GALNTL6: variants seen among roughly 807,000 people sequenced by gnomAD.
GALNTL6 encodes polypeptide N-acetylgalactosaminyltransferase like 6.
GALNTL6 carries 46 observed loss-of-function variants against 73.7 expected under a neutral mutation model. That is an observed-to-expected ratio of 0.62 (90% CI 0.49 to 0.80). GALNTL6 has a LOEUF of 0.80. GALNTL6 is among the 30% of genes least tolerant of loss of function. The pLI is 0.00. For missense variants in GALNTL6, 604 were observed against 755.0 expected, an observed-to-expected ratio of 0.80 and a Z score of 2.34; for synonymous variants, 259 against 263.7, an observed-to-expected ratio of 0.98 and a Z score of 0.17.
At chr4:172,645,812 A>G (rs934041104) in intron 5 of GALNTL6, among the ~76,000 whole-genome samples, 3 of 152,002 alleles carry the variant, frequency 2.0e-5, no homozygotes, top group Non-Finnish European at 4.4e-5. Flanking sequence ...GTATGATCTA[A>G]TGCTAATAAT....
chr4:172,133,949 A>T (rs1560936472), intron 2 of GALNTL6, among the ~76,000 whole-genome samples: 1 of 152,232 alleles, frequency 6.6e-6, no homozygotes, highest in Non-Finnish European at 1.5e-5. Context: ...ATGTTAAAGA[A>T]GGTAGTCACA....
intron 5 of GALNTL6, among the ~76,000 whole-genome samples, chr4:172,538,318 A>G (rs1426335702): frequency 6.6e-6 from 1 of 151,946 alleles, no homozygotes; most frequent in African/African-American, 2.4e-5. Flanking sequence ...AAAATTAGCC[A>G]GGCGTGGTGG....
intron 2 of GALNTL6, among the ~76,000 whole-genome samples, chr4:172,107,669 C>A (rs1451080225): frequency 8.8e-6 from 1 of 113,074 alleles, no homozygotes; most frequent in African/African-American, 3.6e-5. Context: ...CACACCAGGG[C>A]CTGTTGTGGG....
At chr4:171,952,573 T>C (rs1738918016) in intron 2 of GALNTL6, among the ~76,000 whole-genome samples, 1 of 152,080 alleles carries the variant, frequency 6.6e-6, no homozygotes, top group South Asian at 2.1e-4. Flanking sequence ...TTTGAAATCA[T>C]TTAATAAATT....
intron 5 of GALNTL6, among the ~76,000 whole-genome samples, chr4:172,420,774 T>C (rs185299731): frequency 8.8e-4 from 134 of 152,064 alleles, no homozygotes; most frequent in African/African-American, 2.7e-3. Context: ...CAAACGCCCA[T>C]CAATGATAGA....
At chr4:172,714,123 G>C (rs1734902332) in intron 5 of GALNTL6, among the ~76,000 whole-genome samples, 1 of 152,110 alleles carries the variant, frequency 6.6e-6, no homozygotes, top group African/African-American at 2.4e-5. Context: ...GAAATAAGAG[G>C]GTTTGTTTTG....
intron 2 of GALNTL6, among the ~76,000 whole-genome samples, chr4:172,017,307 C>G (rs1432218469): frequency 6.6e-6 from 1 of 152,162 alleles, no homozygotes; most frequent in Admixed American, 6.6e-5. Flanking sequence ...TCAGATCAGA[C>G]AGGCACTTCT....
At chr4:172,367,714 A>T (rs1742619511) in intron 5 of GALNTL6, among the ~76,000 whole-genome samples, 1 of 152,226 alleles carries the variant, frequency 6.6e-6, no homozygotes, top group Non-Finnish European at 1.5e-5. Context: ...CATATTAATA[A>T]TGCAGATAAG....
At chr4:172,652,929 G>A (rs1345136331) in intron 5 of GALNTL6, among the ~76,000 whole-genome samples, 2 of 151,770 alleles carry the variant, frequency 1.3e-5, no homozygotes, top group African/African-American at 4.8e-5. Flanking sequence ...TTCTGTTTTA[G>A]TTGCTACGAT....
At chr4:172,830,443 C>CTGTTAT (rs1410236561) in intron 7 of GALNTL6, among the ~76,000 whole-genome samples, 38 of 990 alleles carry the variant, frequency 0.038, no homozygotes, top group African/African-American at 0.054. Context: ...GTTATACTGC[C>CTGTTAT]ACTGCCACCT....
chr4:171,902,661 G>T, intron 2 of GALNTL6, among the ~76,000 whole-genome samples: 1 of 152,232 alleles, frequency 6.6e-6, no homozygotes, highest in African/African-American at 2.4e-5. Flanking sequence ...AAGAAGCGAA[G>T]TGAATATGAT....
At chr4:172,591,069 A>G (rs887224179) in intron 5 of GALNTL6, among the ~76,000 whole-genome samples, 14 of 152,232 alleles carry the variant, frequency 9.2e-5, no homozygotes, top group Middle Eastern at 3.2e-3. Flanking sequence ...ATTTTAAAAA[A>G]GATAGTTTCC....
intron 2 of GALNTL6, among the ~76,000 whole-genome samples, chr4:171,997,635 A>G (rs2110751434): frequency 6.6e-6 from 1 of 152,264 alleles, no homozygotes; most frequent in South Asian, 2.1e-4. Flanking sequence ...TAAAGTTTTA[A>G]AAAATCATTA....
At chr4:172,454,381 A>G (rs375597054) in intron 5 of GALNTL6, among the ~76,000 whole-genome samples, 9 of 152,358 alleles carry the variant, frequency 5.9e-5, no homozygotes, top group East Asian at 5.8e-4. Context: ...ATACAATGCA[A>G]TAGCTTCTAG....
At chr4:172,453,223 G>T (rs1732276766) in intron 5 of GALNTL6, among the ~76,000 whole-genome samples, 2 of 151,730 alleles carry the variant, frequency 1.3e-5, no homozygotes, top group East Asian at 3.9e-4. Context: ...AAAAAGATGT[G>T]CAATGTGAAG....
rs1390737927 is a variant in GALNTL6, at chr4:172,138,492, T to C, written c.139-91164T>C. 3.9e-4 allele frequency among the ~76,000 whole-genome samples: 3 copies of C among 7,720 alleles called. 1 individual carries two copies. Among genetic ancestry groups the C allele is most frequent in the African/African-American group, 7.2e-4 (2 of 2,762 alleles). 5.1% of individuals were successfully genotyped at this position (7,720 alleles called of 152,430 possible). A position where few individuals can be genotyped will look rare whatever the true frequency, so the allele number is the denominator to read the frequency against. On this transcript the variant is annotated intron_variant, in intron 2 of 12. Coordinates refer to ENST00000506823, the MANE Select transcript of GALNTL6 (RefSeq NM_001034845.3). ...CTTGGACTGCCTATATATATATATATATATATATATATATATATATATTTT... is the reference window on the plus strand; with the variant it reads ...CTTGGACTGCCTATATATATATATACATATATATATATATATATATATTTT...
At chr4:172,289,305 C>T (rs1739377109) in intron 3 of GALNTL6, among the ~76,000 whole-genome samples, 1 of 152,184 alleles carries the variant, frequency 6.6e-6, no homozygotes, top group African/African-American at 2.4e-5. Context: ...ATCAACTCCT[C>T]ATCATTGTTT....
chr4:172,995,600 T>C (rs1473863418), intron 10 of GALNTL6, among the ~76,000 whole-genome samples: 1 of 152,238 alleles, frequency 6.6e-6, no homozygotes, highest in African/African-American at 2.4e-5. Context: ...TGAGTTTCTC[T>C]GCAGATATTC....
At chr4:172,613,153 T>C (rs1254936933) in intron 5 of GALNTL6, among the ~76,000 whole-genome samples, 2 of 152,032 alleles carry the variant, frequency 1.3e-5, no homozygotes. Flanking sequence ...TTTCCCAGGA[T>C]AAGAGATAGA....
Sources: allele counts gnomAD v4.1 joint callset (sites outside exome capture counted in the v4.1 genomes callset), GRCh38; gene constraint gnomAD v4.1.1; transcripts MANE v1.5; gene names NCBI Gene and HGNC (gene_info 2026-07-23, HGNC 2026-07-21).